AEBP2: variants seen among roughly 807,000 people sequenced by gnomAD.
AEBP2 encodes zinc finger protein AEBP2.
In AEBP2, 10 loss-of-function variants were observed where a neutral mutation model predicts 50.8. The ratio of observed to expected loss-of-function variants is 0.20; its 90% confidence interval spans 0.12 to 0.33. The LOEUF is 0.33. AEBP2 is among the 10% of genes least tolerant of loss of function. The probability of loss-of-function intolerance (pLI) is 1.00; values close to 1 mark genes in which losing one functional copy is unlikely to be tolerated. For missense variants in AEBP2, 570 were observed against 688.0 expected (o/e 0.83, Z 1.92); for synonymous variants, 296 against 261.3 (o/e 1.13, Z -1.28).
intron 1 of AEBP2, among the ~76,000 whole-genome samples, chr12:19,446,546 G>A (rs11044565): frequency 0.022 from 3,421 of 152,078 alleles, 50 homozygotes; most frequent in East Asian, 0.043. Flanking sequence ...TGGCTAACAC[G>A]GTGAAACCCC....
upstream of AEBP2, among the ~76,000 whole-genome samples, chr12:19,434,886 C>G (rs2095753390): frequency 6.6e-6 from 1 of 152,194 alleles, no homozygotes; most frequent in African/African-American, 2.4e-5. Context: ...AATTCCGAGA[C>G]AGTTCATTTT....
chr12:19,513,065 A>G (rs1949259961), intron 6 of AEBP2, among the ~76,000 whole-genome samples: 3 of 152,172 alleles, frequency 2.0e-5, no homozygotes, highest in South Asian at 4.1e-4. Context: ...GGCATCAGTG[A>G]GACTCTGTCT....
At chr12:19,456,473 CA>C in intron 1 of AEBP2, 1 of 1,476,418 alleles carries the variant, frequency 6.8e-7, no homozygotes, top group Non-Finnish European at 9.4e-7. Flanking sequence ...GGCCATCTTC[CA>C]GCTTTTTACC....
intron 1 of AEBP2, among the ~76,000 whole-genome samples, chr12:19,411,561 T>A (rs930094852): frequency 1.8e-5 from 2 of 111,230 alleles, no homozygotes; most frequent in Non-Finnish European, 3.2e-5. Context: ...CTTCTTAGAG[T>A]TGGGAGGATT....
At chr12:19,494,173 G>C (rs1258486882) in intron 4 of AEBP2, among the ~76,000 whole-genome samples, 187 bp downstream of exon 4, 1 of 152,024 alleles carries the variant, frequency 6.6e-6, no homozygotes, top group African/African-American at 2.4e-5. Context: ...GAGTATATGT[G>C]GCCTTCAAAT....
Position 19,439,640 on chromosome 12 carries a change from A to G in AEBP2, c.-60A>G. 1 of 1,492,566 alleles carries G rather than the reference A, an allele frequency of 6.7e-7. No individual in the cohort carries two copies. Among genetic ancestry groups the G allele is most frequent in the South Asian group, 1.3e-5 (1 of 79,784 alleles). 92.5% of individuals were successfully genotyped at this position (1,492,566 alleles called of 1,614,324 possible). A position where few individuals can be genotyped will look rare whatever the true frequency, so the allele number is the denominator to read the frequency against. On this transcript the variant is annotated 5_prime_UTR_variant, in exon 1 of 8. Transcript: ENST00000266508. ...CGTTTGGGAGGGGGGCGAGGGAGAGAGAGTCGAGAGAGGGAGGCGGCGGTG... is the reference window on the plus strand; with the variant it reads ...CGTTTGGGAGGGGGGCGAGGGAGAGGGAGTCGAGAGAGGGAGGCGGCGGTG...
intron 1 of AEBP2, chr12:19,440,758 C>G (rs955903868): frequency 1.2e-5 from 19 of 1,533,540 alleles, no homozygotes; most frequent in Admixed American, 2.0e-5. Flanking sequence ...TTCGGGAACA[C>G]TTGTCAGAAC....
intron 1 of AEBP2, among the ~76,000 whole-genome samples, chr12:19,441,984 T>G (rs1416982506): frequency 6.6e-6 from 1 of 152,164 alleles, no homozygotes; most frequent in Non-Finnish European, 1.5e-5. Flanking sequence ...GACTTCTGTT[T>G]AACAGATGAA....
chr12:19,424,951 T>A (rs1467408761), intron 1 of AEBP2, among the ~76,000 whole-genome samples: 5 of 152,130 alleles, frequency 3.3e-5, no homozygotes. Context: ...GGAGGTTGCA[T>A]TGAGCTGAGA....
rs1949360922 is a variant in AEBP2, at chr12:19,518,992, A to C, written c.*875A>C. 2 of 220,144 alleles carry C rather than the reference A, an allele frequency of 9.1e-6. No homozygotes were observed. Among genetic ancestry groups the C allele is most frequent in the East Asian group, 1.8e-4 (2 of 11,226 alleles). 13.6% of individuals were successfully genotyped at this position (220,144 alleles called of 1,614,324 possible). On this transcript the variant is annotated 3_prime_UTR_variant, in exon 8 of 8. Coordinates refer to ENST00000266508, the MANE Select transcript of AEBP2 (RefSeq NM_153207.5). ...TTTGGTTTTTGAGTTGTTTTTTCTT[A>C]ATGTAAGAAAAATTGTATTTTTTTT...
intron 1 of AEBP2, among the ~76,000 whole-genome samples, chr12:19,408,889 T>C (rs2095737752): frequency 6.9e-6 from 1 of 145,668 alleles, no homozygotes; most frequent in Non-Finnish European, 1.5e-5. Context: ...GGTGACAGAG[T>C]GAGACTCTGT....
chr12:19,451,115 A>G (rs931241792), intron 1 of AEBP2, among the ~76,000 whole-genome samples: 12 of 152,156 alleles, frequency 7.9e-5, no homozygotes, highest in African/African-American at 2.2e-4. Context: ...CACATCAAAC[A>G]TTGTTCCAGT....
At chr12:19,499,614 TTAAA>T (rs1949036865) in intron 4 of AEBP2, among the ~76,000 whole-genome samples, 1 of 112,168 alleles carries the variant, frequency 8.9e-6, no homozygotes, top group African/African-American at 3.0e-5. Context: ...ACTCTGTCTC[TTAAA>T]AAAAAAAAAA....
chr12:19,417,248 C>G (rs897195377), intron 1 of AEBP2, among the ~76,000 whole-genome samples: 1 of 152,130 alleles, frequency 6.6e-6, no homozygotes, highest in African/African-American at 2.4e-5. Flanking sequence ...ATTATTCAAA[C>G]TACTACCTAG....
At chr12:19,434,680 A>T (rs180876758), upstream of AEBP2, among the ~76,000 whole-genome samples, 1 of 152,366 alleles carries the variant, frequency 6.6e-6, no homozygotes, top group East Asian at 1.9e-4. Flanking sequence ...ACTGTCACAC[A>T]GAGGTTCTGC....
intron 1 of AEBP2, chr12:19,457,220 A>G (rs1346961116): frequency 4.4e-6 from 7 of 1,598,358 alleles, no homozygotes; most frequent in South Asian, 1.1e-5. Flanking sequence ...GTGTAAGCCA[A>G]AAGGGCATGC....
At chr12:19,509,978 G>A (rs1377832548) in intron 5 of AEBP2, among the ~76,000 whole-genome samples, 1 of 151,614 alleles carries the variant, frequency 6.6e-6, no homozygotes, top group African/African-American at 2.4e-5. Context: ...GATTACTGAC[G>A]TGCACCATCA....
At chr12:19,491,723 T>C (rs2120436601) in intron 3 of AEBP2, among the ~76,000 whole-genome samples, 1 of 152,296 alleles carries the variant, frequency 6.6e-6, no homozygotes, top group East Asian at 1.9e-4. Context: ...GTGATTTTTT[T>C]TTTTATCAGC....
intron 5 of AEBP2, among the ~76,000 whole-genome samples, chr12:19,506,475 T>A (rs1949157211): frequency 6.6e-6 from 1 of 152,226 alleles, no homozygotes; most frequent in Admixed American, 6.5e-5. Context: ...TAATAAACTG[T>A]ACCCATTGAA....
Sources: gnomAD v4.1 joint callset for allele counts (sites outside exome capture counted in the v4.1 genomes callset) on GRCh38, gnomAD v4.1.1 for gene constraint, MANE v1.5 for transcripts, NCBI Gene and HGNC (gene_info 2026-07-23, HGNC 2026-07-21) for gene names.